Variants in CDH12 observed in about 807,000 individuals in gnomAD.
The protein encoded by CDH12 is cadherin-12.
A neutral mutation model predicts 74.1 loss-of-function variants in CDH12; 41 were observed. The ratio of observed to expected loss-of-function variants is 0.55; its 90% CI spans 0.43 to 0.72. The LOEUF (loss-of-function observed/expected upper bound fraction) is 0.72. CDH12 is among the 30% of genes least tolerant of loss of function. CDH12 has a pLI of 0.00. For synonymous variants in CDH12, 399 were observed against 355.0 expected (o/e 1.12, Z -1.39); for missense variants, 945 against 977.2 (o/e 0.97, Z 0.44).
At chr5:22,617,325 T>C (rs1737742301) in intron 1 of CDH12, among the ~76,000 whole-genome samples, 1 of 152,106 alleles carries the variant, frequency 6.6e-6, no homozygotes, top group Non-Finnish European at 1.5e-5. Context: ...CTTCCCAGCC[T>C]CTGAGAAATA....
At chr5:22,320,642 A>C (rs1738834420) in intron 3 of CDH12, among the ~76,000 whole-genome samples, 1 of 152,224 alleles carries the variant, frequency 6.6e-6, no homozygotes, top group Non-Finnish European at 1.5e-5. Flanking sequence ...TTTAGTATTT[A>C]ACTTCATATC....
chr5:22,637,795 G>A (rs1166098071), intron 1 of CDH12, among the ~76,000 whole-genome samples: 1 of 152,166 alleles, frequency 6.6e-6, no homozygotes, highest in Non-Finnish European at 1.5e-5. Flanking sequence ...TCTTTGGTCA[G>A]TTACTATGAA....
At chr5:22,651,462 A>T (rs2126884169) in intron 1 of CDH12, among the ~76,000 whole-genome samples, 1 of 152,200 alleles carries the variant, frequency 6.6e-6, no homozygotes, top group East Asian at 1.9e-4. Context: ...TCACAAGGTG[A>T]TAGAAAGGAT....
intron 1 of CDH12, among the ~76,000 whole-genome samples, chr5:22,654,066 C>G (rs11747305): frequency 7.4e-6 from 1 of 134,270 alleles, no homozygotes; most frequent in South Asian, 2.4e-4. Context: ...CTGTCCTTCC[C>G]GTTCCTTCTC....
At chr5:22,373,435 C>G (rs1220434434) in intron 3 of CDH12, among the ~76,000 whole-genome samples, 1 of 152,212 alleles carries the variant, frequency 6.6e-6, no homozygotes, top group Non-Finnish European at 1.5e-5. Context: ...GCCCAGCTCA[C>G]TGCTGCCACT....
chr5:22,204,617 C>G (rs746469665), intron 4 of CDH12, among the ~76,000 whole-genome samples: 2 of 152,184 alleles, frequency 1.3e-5, no homozygotes, highest in Non-Finnish European at 2.9e-5. Flanking sequence ...TTAAAGTTCG[C>G]ACCTCTTACA....
At chr5:22,751,374 A>T (rs928543308) in intron 1 of CDH12, among the ~76,000 whole-genome samples, 1 of 149,184 alleles carries the variant, frequency 6.7e-6, no homozygotes, top group Admixed American at 6.7e-5. Context: ...TACAAAGTAT[A>T]TAATCTTATC....
intron 1 of CDH12, among the ~76,000 whole-genome samples, chr5:22,526,476 C>A (rs1189151031): frequency 6.6e-6 from 1 of 152,094 alleles, no homozygotes; most frequent in Non-Finnish European, 1.5e-5. Context: ...TTTTAGTGGT[C>A]CTTATTGATG....
intron 3 of CDH12, among the ~76,000 whole-genome samples, chr5:22,261,654 A>C (rs2150394086): frequency 6.6e-6 from 1 of 152,188 alleles, no homozygotes; most frequent in South Asian, 2.1e-4. Context: ...TAAATCAAAC[A>C]CTGGAGAAAA....
intron 6 of CDH12, chr5:21,883,056 A>G: frequency 6.2e-7 from 1 of 1,610,312 alleles, no homozygotes; most frequent in Non-Finnish European, 8.5e-7. Flanking sequence ...TGCTGAACTT[A>G]AAAAGCAGTC....
intron 1 of CDH12, among the ~76,000 whole-genome samples, chr5:22,737,662 A>C (rs747429573): frequency 6.6e-6 from 1 of 152,092 alleles, no homozygotes; most frequent in Non-Finnish European, 1.5e-5. Context: ...CAGAATCGAC[A>C]AACTTATGAC....
At chr5:22,081,653 G>A (rs1472202804) in intron 4 of CDH12, among the ~76,000 whole-genome samples, 2 of 152,150 alleles carry the variant, frequency 1.3e-5, no homozygotes, top group African/African-American at 2.4e-5. Context: ...TGACATCTAA[G>A]GTCATCTCTC....
chr5:21,990,030 T>C (rs1757681866), intron 5 of CDH12, among the ~76,000 whole-genome samples: 1 of 152,174 alleles, frequency 6.6e-6, no homozygotes, highest in South Asian at 2.1e-4. Context: ...CCACCTCCTA[T>C]TTAATTTGTA....
At chr5:22,309,778 C>T (rs1738298453) in intron 3 of CDH12, among the ~76,000 whole-genome samples, 1 of 151,764 alleles carries the variant, frequency 6.6e-6, no homozygotes. Flanking sequence ...AAATGAGTTT[C>T]CTGAGGTCCA....
intron 4 of CDH12, among the ~76,000 whole-genome samples, chr5:22,153,864 A>G (rs1299445425): frequency 0.061 from 4,200 of 68,430 alleles, 133 homozygotes; most frequent in African/African-American, 0.14. Flanking sequence ...GTGTGTATAT[A>G]TATATATGTA....
intron 1 of CDH12, among the ~76,000 whole-genome samples, chr5:22,514,577 T>C (rs907027336): frequency 1.3e-5 from 2 of 152,226 alleles, no homozygotes; most frequent in African/African-American, 4.8e-5. Context: ...CTAGAGAATT[T>C]TGTTAAAGAC....
At chr5:22,685,926 G>A (rs1045748763) in intron 1 of CDH12, among the ~76,000 whole-genome samples, 1 of 152,000 alleles carries the variant, frequency 6.6e-6, no homozygotes, top group Non-Finnish European at 1.5e-5. Context: ...AGAATTGCTG[G>A]GTCATACTGT....
At chr5:22,179,872 G>C (rs1749541387) in intron 4 of CDH12, among the ~76,000 whole-genome samples, 1 of 152,130 alleles carries the variant, frequency 6.6e-6, no homozygotes, top group Non-Finnish European at 1.5e-5. Flanking sequence ...TAAAAAATAA[G>C]AAACATTAAT....
Position 22,744,185 on chromosome 5 carries a change from T to G in CDH12, c.-523+108873A>C, listed in dbSNP as rs1745175989. ...TGGCTCACGCCTGTAATCCCAGCAC[T>G]TTGGGAGGCCGAGACGGGCGGATCA... On this transcript the variant is annotated intron_variant, in intron 1 of 14. Coordinates refer to ENST00000382254, the MANE Select transcript of CDH12 (RefSeq NM_004061.5). Among the ~76,000 whole-genome samples the G allele has an allele frequency of 3.9e-5, 6 of 152,056 alleles. No individual in the cohort carries two copies. The South Asian group carries it at 1.2e-3, about 32-fold the overall frequency.
Sources: gnomAD v4.1 joint callset for allele counts (sites outside exome capture counted in the v4.1 genomes callset) on GRCh38, gnomAD v4.1.1 for gene constraint, MANE v1.5 for transcripts, NCBI Gene and HGNC (gene_info 2026-07-23, HGNC 2026-07-21) for gene names.